TTC23: variants seen among roughly 807,000 people sequenced by gnomAD.
TTC23 encodes tetratricopeptide repeat domain 23.
A neutral mutation model predicts 55.1 loss-of-function variants in TTC23; 58 were observed. The ratio of observed to expected loss-of-function variants is 1.05; its 90% CI spans 0.85 to 1.31. The LOEUF is 1.31. TTC23 is among the 50% of genes most tolerant of loss of function. The probability of loss-of-function intolerance (pLI) is 0.00; values close to 1 mark genes in which losing one functional copy is unlikely to be tolerated. For missense variants in TTC23, 516 were observed against 534.4 expected, an observed-to-expected ratio of 0.97 and a Z score of 0.34; for synonymous variants, 203 against 199.9, an observed-to-expected ratio of 1.02 and a Z score of -0.13.
chr15:99,244,830 A>C (rs915647782), intron 2 of TTC23, among the ~76,000 whole-genome samples: 1 of 152,226 alleles, frequency 6.6e-6, no homozygotes, highest in Non-Finnish European at 1.5e-5. Context: ...TAAATAAAAC[A>C]ATCTTAAAAA....
chr15:99,241,138 G>A (rs759417323), intron 3 of TTC23, among the ~76,000 whole-genome samples: 15 of 152,106 alleles, frequency 9.9e-5, no homozygotes, highest in South Asian at 2.1e-4. Flanking sequence ...CCAACATGGA[G>A]AAACCCTGTC....
intron 12 of TTC23, among the ~76,000 whole-genome samples, chr15:99,148,040 T>C (rs2069164406): frequency 6.6e-6 from 1 of 152,052 alleles, no homozygotes; most frequent in Non-Finnish European, 1.5e-5. Context: ...CTCAATAGCC[T>C]ATTCTCCAGT....
At chr15:99,179,386 C>G (rs2073908610) in intron 9 of TTC23, among the ~76,000 whole-genome samples, 1 of 152,218 alleles carries the variant, frequency 6.6e-6, no homozygotes, top group Non-Finnish European at 1.5e-5. Flanking sequence ...CTGTCCTTCC[C>G]TTCTTGTCCA....
chr15:99,177,682 T>A (rs1252836604), intron 9 of TTC23, among the ~76,000 whole-genome samples: 2 of 152,254 alleles, frequency 1.3e-5, no homozygotes, highest in Non-Finnish European at 2.9e-5. Flanking sequence ...ATATAGTATT[T>A]TAGATTAAAA....
chr15:99,166,293 T>A (rs1162014358), intron 10 of TTC23, among the ~76,000 whole-genome samples: 2 of 152,134 alleles, frequency 1.3e-5, no homozygotes, highest in African/African-American at 4.8e-5. Flanking sequence ...TTCCCCTAAC[T>A]GCCCCGAAAA....
At chr15:99,145,266 G>C (rs1555492551) in intron 12 of TTC23, 1 of 152,224 alleles carries the variant, frequency 6.6e-6, no homozygotes, top group Non-Finnish European at 1.5e-5. Context: ...CTTCGGGGAT[G>C]GAGTGGAGAA....
At chr15:99,160,581 G>A (rs1436793116) in intron 11 of TTC23, 1 of 152,188 alleles carries the variant, frequency 6.6e-6, no homozygotes, top group African/African-American at 2.4e-5. Context: ...CATCCTTGGA[G>A]TTTGATATCC....
chr15:99,164,951 G>A (rs1256704853), intron 10 of TTC23, among the ~76,000 whole-genome samples: 1 of 152,158 alleles, frequency 6.6e-6, no homozygotes, highest in Non-Finnish European at 1.5e-5. Flanking sequence ...CCTTACAGCT[G>A]TGTGCCTTGC....
intron 12 of TTC23, chr15:99,155,813 G>A (rs1435337614): frequency 1.1e-5 from 4 of 356,198 alleles, no homozygotes; most frequent in Non-Finnish European, 2.0e-5. Flanking sequence ...AAAGAAGAAT[G>A]ACAATTGAAG....
chr15:99,245,088 A>G (rs1003371273), intron 2 of TTC23, among the ~76,000 whole-genome samples: 1 of 152,236 alleles, frequency 6.6e-6, no homozygotes, highest in African/African-American at 2.4e-5. Context: ...AATCATTACA[A>G]AAGGTACACT....
At chr15:99,179,495 C>G (rs893252010) in intron 9 of TTC23, among the ~76,000 whole-genome samples, 1 of 152,232 alleles carries the variant, frequency 6.6e-6, no homozygotes, top group Non-Finnish European at 1.5e-5. Context: ...TATCTATCAG[C>G]AGGGGAATGA....
At chr15:99,232,870 G>T (rs552840800) in intron 4 of TTC23, among the ~76,000 whole-genome samples, 1 of 152,312 alleles carries the variant, frequency 6.6e-6, no homozygotes, top group Admixed American at 6.5e-5. Flanking sequence ...CAATGATCAA[G>T]ATACGGTGTT....
At chr15:99,227,256 A>C (rs541724867) in intron 5 of TTC23, among the ~76,000 whole-genome samples, 6 of 152,188 alleles carry the variant, frequency 3.9e-5, no homozygotes, top group Non-Finnish European at 7.3e-5. Context: ...AAGCAGACTC[A>C]GACCTTGGGT....
intron 8 of TTC23, among the ~76,000 whole-genome samples, chr15:99,217,644 A>G (rs2077579760): frequency 6.6e-6 from 1 of 152,200 alleles, no homozygotes; most frequent in Non-Finnish European, 1.5e-5. Context: ...ATTTGCACAG[A>G]TGAGTGAGCT....
intron 8 of TTC23, among the ~76,000 whole-genome samples, chr15:99,205,866 T>C (rs2076586422): frequency 6.6e-6 from 1 of 152,206 alleles, no homozygotes; most frequent in South Asian, 2.1e-4. Context: ...ATGGTAAAAG[T>C]AGGCAAGCCT....
intron 3 of TTC23, among the ~76,000 whole-genome samples, chr15:99,238,567 A>G (rs976829535): frequency 6.6e-6 from 1 of 152,184 alleles, no homozygotes; most frequent in Admixed American, 6.5e-5. Flanking sequence ...AATAATTACA[A>G]AAGGCTTGGA....
chr15:99,151,651 C>G (rs558105241), intron 12 of TTC23, among the ~76,000 whole-genome samples: 1 of 152,222 alleles, frequency 6.6e-6, no homozygotes, highest in Non-Finnish European at 1.5e-5. Context: ...CTAGTTTCAA[C>G]TGTATTCTGT....
rs771650631 is a variant in TTC23 at position 99,228,500 on chromosome 15, A to G, written c.180+33T>C. 9.0e-6 allele frequency: 14 copies of G among 1,556,970 alleles called. No homozygotes were observed. In the African/African-American group the frequency reaches 1.9e-4, roughly 21 times the overall value. ...GATTATACCATATAGCTCAATTCTCAGAGTAGAAATACAGAAACAAAAGTC... is the reference window on the plus strand; with the variant it reads ...GATTATACCATATAGCTCAATTCTCGGAGTAGAAATACAGAAACAAAAGTC... On this transcript the variant is annotated intron_variant, in intron 5 of 13. Transcript: ENST00000394132.
At chr15:99,226,651 G>A (rs1432197147) in intron 5 of TTC23, among the ~76,000 whole-genome samples, 2 of 152,222 alleles carry the variant, frequency 1.3e-5, no homozygotes, top group Admixed American at 6.5e-5. Context: ...TCTTCTCCTT[G>A]CTTCAGATAT....
Sources: gnomAD v4.1 joint callset for allele counts (sites outside exome capture counted in the v4.1 genomes callset) on GRCh38, gnomAD v4.1.1 for gene constraint, MANE v1.5 for transcripts, NCBI Gene and HGNC (gene_info 2026-07-23, HGNC 2026-07-21) for gene names.